The following BTC variants were observed in gnomAD, a reference collection of about 807,000 sequenced individuals.
BTC encodes betacellulin, also known as probetacellulin.
In BTC, 13 loss-of-function variants were observed where a neutral mutation model predicts 18.1. That is an observed-to-expected ratio of 0.72 (90% CI 0.47 to 1.14). The LOEUF (loss-of-function observed/expected upper bound fraction) is 1.14. Ranked by LOEUF, BTC falls within the 50% of genes most tolerant of loss-of-function variation. The pLI is 0.00. For missense variants in BTC, 247 were observed against 224.2 expected (o/e 1.10, Z -0.65); for synonymous variants, 83 against 79.4 (o/e 1.05, Z -0.24).
At chr4:74,760,137 A>G (rs1467621839) in intron 2 of BTC, among the ~76,000 whole-genome samples, 1 of 152,224 alleles carries the variant, frequency 6.6e-6, no homozygotes, top group African/African-American at 2.4e-5. Flanking sequence ...AGTCAACTCA[A>G]AGGGCAATCA....
chr4:74,780,224 G>T (rs968284927), intron 1 of BTC, among the ~76,000 whole-genome samples: 1 of 152,176 alleles, frequency 6.6e-6, no homozygotes, highest in African/African-American at 2.4e-5. Context: ...CATATTGCCA[G>T]TTGAAGCTTC....
chr4:74,771,705 C>G (rs927133842), intron 1 of BTC, among the ~76,000 whole-genome samples: 1 of 152,262 alleles, frequency 6.6e-6, no homozygotes, highest in East Asian at 1.9e-4. Flanking sequence ...AAACTCAAAT[C>G]CACTGGTGAT....
rs185367668 is a variant in BTC, at chr4:74,774,103, G to A, written c.65-3947C>T. Among the ~76,000 whole-genome samples, 491 of 152,288 alleles carry A rather than the reference G, an allele frequency of 3.2e-3. 2 individuals carry two copies. Among genetic ancestry groups the A allele is most frequent in the African/African-American group, 0.011 (469 of 41,554 alleles). ...AATAACTTTTACAAAAACAAAAAAA[G>A]TGTAAGCAAGATAACAATCATAATG... is the stretch of plus-strand genomic sequence containing the variant. On this transcript the variant is annotated intron_variant, in intron 1 of 5. Coordinates refer to ENST00000395743, the MANE Select transcript of BTC (RefSeq NM_001729.4).
chr4:74,779,132 A>T (rs117120110), intron 1 of BTC, among the ~76,000 whole-genome samples: 1,892 of 152,256 alleles, frequency 0.012, 117 homozygotes, highest in Admixed American at 0.097. Flanking sequence ...CTCCAATGTA[A>T]AACTCTATTC....
intron 1 of BTC, among the ~76,000 whole-genome samples, chr4:74,772,300 C>A (rs1237689191): frequency 5.9e-5 from 9 of 152,244 alleles, no homozygotes; most frequent in African/African-American, 2.2e-4. Context: ...AATTTGGCTA[C>A]CAAATTTCTA....
In BTC at chr4:74,794,405, G is replaced by T; in HGVS notation, c.-80C>A. The T allele has an allele frequency of 7.2e-7, 1 of 1,393,224 alleles. No individual in the cohort carries two copies. The highest frequency in any genetic ancestry group is 1.5e-5 in the South Asian group (1 of 68,176). 86.3% of individuals were successfully genotyped at this position (1,393,224 alleles called of 1,614,324 possible). A position where few individuals can be genotyped will look rare whatever the true frequency, so the allele number is the denominator to read the frequency against. The stretch of plus-strand genomic sequence containing the variant: ...CCCCCTTCCCGGGCCTCGGGCGCCT[G>T]AGAGGGTGCCTGGAAACTAATCCCG... On this transcript the variant is annotated 5_prime_UTR_variant, in exon 1 of 6. Transcript: ENST00000395743.
intron 1 of BTC, among the ~76,000 whole-genome samples, chr4:74,773,449 G>C (rs115535460): frequency 0.032 from 4,824 of 152,054 alleles, 242 homozygotes; most frequent in African/African-American, 0.11. Context: ...AACAATAAAG[G>C]CTGCTATAAA....
chr4:74,755,084 C>T (rs769116130), intron 3 of BTC, among the ~76,000 whole-genome samples: 8 of 151,964 alleles, frequency 5.3e-5, no homozygotes, highest in Non-Finnish European at 1.0e-4. Flanking sequence ...AAGTTCATGA[C>T]CCTTAAAGTT....
At chr4:74,788,710 G>A (rs373511413) in intron 1 of BTC, among the ~76,000 whole-genome samples, 27 of 152,182 alleles carry the variant, frequency 1.8e-4, no homozygotes, top group African/African-American at 5.3e-4. Flanking sequence ...GCCAAGCACC[G>A]TGCCATGAGC....
At chr4:74,787,158 C>T (rs150371242) in intron 1 of BTC, among the ~76,000 whole-genome samples, 154 of 152,146 alleles carry the variant, frequency 1.0e-3, no homozygotes, top group South Asian at 3.5e-3. Context: ...CTTGCGAAGA[C>T]GAAAATGTTA....
chr4:74,778,063 T>C (rs1725223560), intron 1 of BTC, among the ~76,000 whole-genome samples: 1 of 151,166 alleles, frequency 6.6e-6, no homozygotes, highest in Non-Finnish European at 1.5e-5. Flanking sequence ...GTGAAAATAA[T>C]GTTTAACACT....
At chr4:74,754,871 CA>C (rs1724554652) in intron 3 of BTC, among the ~76,000 whole-genome samples, 1 of 151,478 alleles carries the variant, frequency 6.6e-6, no homozygotes, top group African/African-American at 2.4e-5. Context: ...TTTTAAAATT[CA>C]ATATGTGCTT....
intron 1 of BTC, among the ~76,000 whole-genome samples, chr4:74,790,950 T>C (rs560702716): frequency 6.6e-6 from 1 of 152,166 alleles, no homozygotes; most frequent in Non-Finnish European, 1.5e-5. Context: ...TGAGCTTACA[T>C]GCTTTTTAAA....
At position 74,794,282 on chromosome 4, in the gene BTC, AG is replaced by A. The variant is rs1407878710; in HGVS notation, c.43del (p.Leu15CysfsTer9). The A allele has an allele frequency of 1.3e-6, 2 of 1,549,624 alleles. No homozygotes were observed. The highest frequency in any genetic ancestry group is 3.9e-5 in the Admixed American group (2 of 50,970). Reference sequence around the variant, plus strand: ...CTTACCCAGGGCAAGGGCCAGGAGCAGTGGCAGGGAGCTGGCGCCGCTGCAC... The same window carrying A: ...CTTACCCAGGGCAAGGGCCAGGAGCATGGCAGGGAGCTGGCGCCGCTGCAC... ...ARCSGASSLPLLLALALGLVI... is the reference protein window; with the variant it reads ...ARCSGASSLPXLLALALGLVI... On this transcript the variant is annotated frameshift_variant, in exon 1 of 6. Coordinates refer to ENST00000395743, the MANE Select transcript of BTC (RefSeq NM_001729.4). LOFTEE classifies it high-confidence loss of function.
chr4:74,750,799 A>C, intron 3 of BTC, 80 bp from the exon 4 acceptor site: 1 of 1,504,534 alleles, frequency 6.6e-7, no homozygotes, highest in South Asian at 1.2e-5. Flanking sequence ...AGAAATTAAC[A>C]GTTCTCATTA....
chr4:74,789,077 C>G (rs1050572090), intron 1 of BTC, among the ~76,000 whole-genome samples: 2 of 152,212 alleles, frequency 1.3e-5, no homozygotes, highest in African/African-American at 4.8e-5. Flanking sequence ...ACTTCCTGGA[C>G]TATCCCCACT....
chr4:74,749,600 C>A (rs1451611083), intron 4 of BTC, among the ~76,000 whole-genome samples: 1 of 151,050 alleles, frequency 6.6e-6, no homozygotes, highest in African/African-American at 2.4e-5. Context: ...TATGTGTGGA[C>A]CACAGTGAAG....
intron 2 of BTC, among the ~76,000 whole-genome samples, chr4:74,758,880 A>T (rs1724674914): frequency 6.6e-6 from 1 of 152,114 alleles, no homozygotes; most frequent in Non-Finnish European, 1.5e-5. Flanking sequence ...ATGTCCAGCG[A>T]TTTCTTTATG....
chr4:74,762,671 T>C (rs955272432), intron 2 of BTC, among the ~76,000 whole-genome samples: 2 of 152,088 alleles, frequency 1.3e-5, no homozygotes, highest in Admixed American at 6.6e-5. Context: ...TTGATTTAAA[T>C]AATTAATGCT....
Sources: gnomAD v4.1 joint callset for allele counts (sites outside exome capture counted in the v4.1 genomes callset) on GRCh38, gnomAD v4.1.1 for gene constraint, MANE v1.5 for transcripts, NCBI Gene and HGNC (gene_info 2026-07-23, HGNC 2026-07-21) for gene names.